BCAS3: variants seen among roughly 807,000 people sequenced by gnomAD.
The protein encoded by BCAS3 is BCAS4/BCAS3 fusion.
BCAS3 carries 53 observed loss-of-function variants against 116.1 expected under a neutral mutation model. The observed-to-expected ratio is 0.46, with a 90% confidence interval of 0.37 to 0.57. BCAS3 has a LOEUF of 0.57. BCAS3 is among the 20% of genes least tolerant of loss of function. BCAS3 has a pLI of 0.00. For missense variants in BCAS3, 917 were observed against 1,165.4 expected, an observed-to-expected ratio of 0.79 and a Z score of 3.10; for synonymous variants, 391 against 408.2, an observed-to-expected ratio of 0.96 and a Z score of 0.51.
chr17:60,811,983 G>T (rs1008505010), intron 7 of BCAS3, among the ~76,000 whole-genome samples: 21 of 151,940 alleles, frequency 1.4e-4, no homozygotes, highest in Non-Finnish European at 2.8e-4. Context: ...AGCCTGGGAG[G>T]CAGAGGTTGC....
chr17:60,687,390 G>T (rs1052057350), intron 3 of BCAS3, among the ~76,000 whole-genome samples: 9 of 152,140 alleles, frequency 5.9e-5, no homozygotes, highest in African/African-American at 1.9e-4. Context: ...GATTGCTTGT[G>T]CCCAGGAGTA....
chr17:60,758,677 C>T (rs6503990), intron 6 of BCAS3, among the ~76,000 whole-genome samples: 109,915 of 151,614 alleles, frequency 0.72, 45,526 homozygotes, highest in South Asian at 0.98. Context: ...CCACCGCACC[C>T]GGCCGCTTTT....
intron 3 of BCAS3, among the ~76,000 whole-genome samples, chr17:60,688,701 A>G (rs1374892106): frequency 6.6e-6 from 1 of 151,904 alleles, no homozygotes; most frequent in Non-Finnish European, 1.5e-5. Context: ...CTATAGTTCC[A>G]GCTACTTGGG....
chr17:61,152,359 A>AT (rs2077587639), intron 22 of BCAS3, among the ~76,000 whole-genome samples: 1 of 152,064 alleles, frequency 6.6e-6, no homozygotes, highest in Admixed American at 6.5e-5. Context: ...TGATTGGTGC[A>AT]TTTTACAGAG....
chr17:60,932,237 T>A (rs1028361835), intron 13 of BCAS3, among the ~76,000 whole-genome samples: 5 of 152,322 alleles, frequency 3.3e-5, no homozygotes, highest in African/African-American at 9.6e-5. Context: ...TAAGCTTTTG[T>A]TAATATTTTG....
rs747625546 is a variant in BCAS3, at chr17:61,392,066, T to C, written c.2683T>C (p.Ser895Pro). The change falls in exon 24 of 24, where the codon TCT becomes CCT. Residue 895 changes from serine to proline, a missense_variant. This residue lies in a region of BCAS3 where 109 missense variants were observed against 122.8 expected (regional missense o/e 0.89). Transcript: ENST00000407086. This position sits in a 1 kb window ranked among gnomAD's most constrained non-coding sequence, Gnocchi z 6.4. ...ACCAAGAAACTTTGATGGCTACCGA[T>C]CTCCGCTGCCCACCAATGAGAGCCA... The part of the protein sequence containing the change: ...SIPRNFDGYR[S>P]PLPTNESQPL... 2 of 1,613,628 alleles carry C rather than the reference T, an allele frequency of 1.2e-6. No individual in the cohort carries two copies. The highest frequency in any genetic ancestry group is 2.2e-5 in the East Asian group (1 of 44,876).
chr17:60,710,466 C>G lies in BCAS3; in HGVS notation c.321+1141C>G, dbSNP rs151260843. Among the ~76,000 whole-genome samples, 604 of 145,954 alleles carry G rather than the reference C, an allele frequency of 4.1e-3. 6 individuals carry two copies. Among genetic ancestry groups the G allele is most frequent in the African/African-American group, 0.014 (571 of 39,532 alleles). On this transcript the variant is annotated intron_variant, in intron 5 of 23. Coordinates refer to ENST00000407086, the MANE Select transcript of BCAS3 (RefSeq NM_017679.5). ...TTTTTTTTTGAGACAGAGTTTCACT[C>G]TGTTGCCCAGGCTGGAGTGCAGTGG... is the stretch of plus-strand genomic sequence containing the variant.
rs1006947248 is a variant in BCAS3 at position 61,346,395 on chromosome 17, G to A, written c.2426-21932G>A. ...TGAGATGTCTAAAGTTCTGGCCTCC[G>A]GTTCCAGCTCTGTGGCCTAATACAA... On this transcript the variant is annotated intron_variant, in intron 22 of 23. Transcript: ENST00000407086. The surrounding 1 kb of genome is among the most constrained non-coding windows in gnomAD (Gnocchi z 5.4). 5.3e-5 allele frequency among the ~76,000 whole-genome samples: 8 copies of A among 152,290 alleles called. No homozygotes were observed. Among genetic ancestry groups the A allele is most frequent in the Admixed American group, 4.6e-4 (7 of 15,294 alleles).
Position 61,323,942 on chromosome 17 carries a change from T to C in BCAS3, c.2426-44385T>C, listed in dbSNP as rs564181004. Among the ~76,000 whole-genome samples the C allele has an allele frequency of 3.3e-5, 5 of 152,382 alleles. No individual in the cohort carries two copies. Among genetic ancestry groups the C allele is most frequent in the African/African-American group, 1.2e-4 (5 of 41,596 alleles). On this transcript the variant is annotated intron_variant, in intron 22 of 23. Coordinates refer to ENST00000407086, the MANE Select transcript of BCAS3 (RefSeq NM_017679.5). The surrounding 1 kb of genome is among the most constrained non-coding windows in gnomAD (Gnocchi z 4.6). ...GCACATTCTTCCTGGAGGAAAATGATAGCTCATTGTCAAAGGTTGGGCGGG... is the reference window on the plus strand; with the variant it reads ...GCACATTCTTCCTGGAGGAAAATGACAGCTCATTGTCAAAGGTTGGGCGGG...
At chr17:61,072,562 A>G (rs575790177) in intron 19 of BCAS3, among the ~76,000 whole-genome samples, 4 of 152,154 alleles carry the variant, frequency 2.6e-5, no homozygotes, top group African/African-American at 9.6e-5. Context: ...AAAACACAAC[A>G]TAAACTTTTG....
intron 13 of BCAS3, among the ~76,000 whole-genome samples, chr17:60,944,494 A>G (rs2060382077): frequency 6.6e-6 from 1 of 152,216 alleles, no homozygotes; most frequent in Middle Eastern, 3.4e-3. Flanking sequence ...CCAGAAATTA[A>G]CAGAGTAAGG....
At chr17:61,318,277 C>T (rs942499122) in intron 22 of BCAS3, among the ~76,000 whole-genome samples, 7 of 152,232 alleles carry the variant, frequency 4.6e-5, no homozygotes, top group Non-Finnish European at 1.0e-4. Flanking sequence ...TGACGTCCAT[C>T]TAGGCAGGAA....
rs1031733385 is a variant in BCAS3 at position 61,136,109 on chromosome 17, T to G, written c.2425+51545T>G. The G allele has an allele frequency of 6.5e-6, 1 of 153,582 alleles. No homozygotes were observed. The highest frequency in any genetic ancestry group is 1.5e-5 in the Non-Finnish European group (1 of 68,718). The allele number at this position is 153,582 out of a possible 1,614,324, so 9.5% of individuals were successfully genotyped here. A position where few individuals can be genotyped will look rare whatever the true frequency, so the allele number is the denominator to read the frequency against. ...CCGGCAGCCTGAGCTCTAACAATTC[T>G]CAACTACTAGCACCTCTTAGACTCC... On this transcript the variant is annotated intron_variant, in intron 22 of 23. Transcript: ENST00000407086. This position sits in a 1 kb window ranked among gnomAD's most constrained non-coding sequence, Gnocchi z 4.4.
At chr17:60,805,918 G>A (rs531670961) in intron 6 of BCAS3, among the ~76,000 whole-genome samples, 23 of 148,836 alleles carry the variant, frequency 1.5e-4, no homozygotes, top group South Asian at 8.6e-4. Flanking sequence ...GAGTGCTGGC[G>A]TTGGCATGAT....
In BCAS3 at chr17:61,041,463, A is replaced by C. The variant is rs1473570546; in HGVS notation, c.2029+571A>C. Among the ~76,000 whole-genome samples, 1 of 152,102 alleles carries C rather than the reference A, an allele frequency of 6.6e-6. No homozygotes were observed. The highest frequency in any genetic ancestry group is 1.9e-4 in the East Asian group (1 of 5,204). On this transcript the variant is annotated intron_variant, in intron 19 of 23. Transcript: ENST00000407086. The surrounding 1 kb of genome is among the most constrained non-coding windows in gnomAD (Gnocchi z 4.7). The stretch of plus-strand genomic sequence containing the variant: ...CAGCTTTTTATATGGGAGTCATTTA[A>C]AGGCAATTTAGTATTTATTATCCAG...
rs1016334366 is a variant in BCAS3 at position 60,955,386 on chromosome 17, A to ATTTTTTTTTTTTTTTTTTTTTT, written c.1221+8053_1221+8054insTTTTTTTTTTTTTTTTTTTTTT. ...AAAGGATCTAGTTCAGGGAAACTGA[A>ATTTTTTTTTTTTTTTTTTTTTT]TTTTTTTTTTTTTTTTTTTGAGACA... On this transcript the variant is annotated intron_variant, in intron 14 of 23. Coordinates refer to ENST00000407086, the MANE Select transcript of BCAS3 (RefSeq NM_017679.5). Among the ~76,000 whole-genome samples, 26 of 128,082 alleles carry ATTTTTTTTTTTTTTTTTTTTTT rather than the reference A, an allele frequency of 2.0e-4. 2 individuals carry two copies. The highest frequency in any genetic ancestry group is 8.8e-4 in the African/African-American group (25 of 28,286). 84.0% of individuals were successfully genotyped at this position (128,082 alleles called of 152,430 possible). A position where few individuals can be genotyped will look rare whatever the true frequency, so the allele number is the denominator to read the frequency against.
intron 22 of BCAS3, among the ~76,000 whole-genome samples, chr17:61,358,467 C>A (rs1460249975): frequency 6.6e-6 from 1 of 151,340 alleles, no homozygotes; most frequent in African/African-American, 2.4e-5. Context: ...GAAGTGGCAT[C>A]CCTGCCTAGG....
At chr17:60,892,375 T>C in intron 10 of BCAS3, among the ~76,000 whole-genome samples, 1 of 151,318 alleles carries the variant, frequency 6.6e-6, no homozygotes, top group East Asian at 2.0e-4. Flanking sequence ...TGCAATGGCA[T>C]GATCTCGGCT....
intron 22 of BCAS3, among the ~76,000 whole-genome samples, chr17:61,110,962 C>T (rs1215253784): frequency 2.0e-5 from 3 of 152,168 alleles, no homozygotes; most frequent in East Asian, 1.9e-4. Flanking sequence ...GGAGGCACCC[C>T]CCAGCAGGGG....
Sources: gnomAD v4.1 joint callset for allele counts (sites outside exome capture counted in the v4.1 genomes callset) on GRCh38, gnomAD v4.1.1 for gene constraint, gnomAD v4.1.1 regional missense constraint, Gnocchi (gnomAD v3.1) non-coding constraint, MANE v1.5 for transcripts, NCBI Gene and HGNC (gene_info 2026-07-23, HGNC 2026-07-21) for gene names.